The following ZNF285 variants were observed in gnomAD, a reference collection of about 807,000 sequenced individuals.
ZNF285 encodes zinc finger protein 285, also known as zinc finger protein 285A.
A neutral mutation model predicts 6.2 loss-of-function variants in ZNF285; 4 were observed. The observed-to-expected ratio is 0.65, with a 90% CI of 0.32 to 1.49. The LOEUF is 1.49. Ranked by LOEUF, ZNF285 falls within the 40% of genes most tolerant of loss-of-function variation. The pLI is 0.07. For synonymous variants in ZNF285, 240 were observed against 245.8 expected (o/e 0.98, Z 0.22); for missense variants, 695 against 708.8 (o/e 0.98, Z 0.22).
intron 3 of ZNF285, among the ~76,000 whole-genome samples, chr19:44,391,677 C>T (rs943671562): frequency 6.6e-6 from 1 of 152,018 alleles, no homozygotes; most frequent in Non-Finnish European, 1.5e-5. Flanking sequence ...CCAGGCCCCT[C>T]CCACAACATA....
chr19:44,389,483 G>A (rs745687001), intron 3 of ZNF285, among the ~76,000 whole-genome samples: 153 of 152,144 alleles, frequency 1.0e-3, no homozygotes, highest in Non-Finnish European at 1.8e-3. Context: ...AGTAAAATCA[G>A]CATTATGACT....
In ZNF285 at chr19:44,383,734, C is replaced by T. The variant is rs568820993; in HGVS notation, c.*2738G>A. ...ATGAGCGAGTCTGTTACGCTTTTATCAAATCATTGGATTTGACATGCTCAT... is the reference window on the plus strand; with the variant it reads ...ATGAGCGAGTCTGTTACGCTTTTATTAAATCATTGGATTTGACATGCTCAT... On this transcript the variant is annotated 3_prime_UTR_variant, in exon 4 of 4. Coordinates refer to ENST00000614994, the MANE Select transcript of ZNF285 (RefSeq NM_152354.6). The T allele has an allele frequency of 1.3e-5, 2 of 152,280 alleles. No homozygotes were observed. The highest frequency in any genetic ancestry group is 2.9e-5 in the Non-Finnish European group (2 of 68,008). 9.4% of individuals were successfully genotyped at this position (152,280 alleles called of 1,614,324 possible).
intron 2 of ZNF285, among the ~76,000 whole-genome samples, chr19:44,392,780 T>C (rs1372930984): frequency 6.6e-6 from 1 of 152,156 alleles, no homozygotes; most frequent in Non-Finnish European, 1.5e-5. Flanking sequence ...AAGGACAGTA[T>C]TAATCAAATT....
chr19:44,390,307 T>C (rs1300171003), intron 3 of ZNF285, among the ~76,000 whole-genome samples: 1 of 152,112 alleles, frequency 6.6e-6, no homozygotes, highest in Non-Finnish European at 1.5e-5. Context: ...CCCAAGACCA[T>C]GGAAACCCAC....
Position 44,386,593 on chromosome 19 carries a change from C to T in ZNF285, c.1652G>A (p.Arg551His), listed in dbSNP as rs772355334. Residue 551 changes from arginine to histidine, a missense_variant, in exon 4 of 4, where the codon CGT becomes CAT. Arg to His is a conservative substitution (Grantham distance 29). Transcript: ENST00000614994. ...KCKACGKGFS[R>H]NSYLLAHQRV... ...CTGATGGGCAAGGAGGTATGAATTA[C>T]GACTGAAGCCCTTACCACATGCCTT... The T allele has an allele frequency of 1.1e-5, 18 of 1,614,028 alleles. No homozygotes were observed. The highest frequency in any genetic ancestry group is 1.3e-5 in the African/African-American group (1 of 74,938).
intron 2 of ZNF285, among the ~76,000 whole-genome samples, chr19:44,392,927 T>C (rs1206276207): frequency 6.6e-6 from 1 of 152,144 alleles, no homozygotes; most frequent in African/African-American, 2.4e-5. Flanking sequence ...TCATGGCAGA[T>C]TAATCTATTT....
In ZNF285 at chr19:44,382,432, G is replaced by A. The variant is rs1357819462; in HGVS notation, c.*4040C>T. 1.3e-5 allele frequency: 2 copies of A among 151,622 alleles called. No individual in the cohort carries two copies. The highest frequency in any genetic ancestry group is 2.9e-5 in the Non-Finnish European group (2 of 68,062). 9.4% of individuals were successfully genotyped at this position (151,622 alleles called of 1,614,324 possible). On this transcript the variant is annotated 3_prime_UTR_variant, in exon 4 of 4. Transcript: ENST00000614994. The stretch of plus-strand genomic sequence containing the variant: ...TCCTGCCTCAGCCTCCTGAGTAGCT[G>A]GGATTACAGGTGCCTGCCACTATGC...
Position 44,387,999 on chromosome 19 carries a change from C to A in ZNF285, c.246G>T (p.Arg82=). The change falls in exon 4 of 4, where the codon CGG becomes CGT. Residue 82 remains arginine, a synonymous_variant. Coordinates refer to ENST00000614994, the MANE Select transcript of ZNF285 (RefSeq NM_152354.6). ...HCWQIWKQRI[R]DLTVSQDYIV... ...TATAATCCTGACTCACAGTTAAATCCCGGATCCTTTGTTTCCAAATCTGCC... is the reference window on the plus strand; with the variant it reads ...TATAATCCTGACTCACAGTTAAATCACGGATCCTTTGTTTCCAAATCTGCC... The A allele has an allele frequency of 6.2e-7, 1 of 1,614,098 alleles. No individual in the cohort carries two copies. Among genetic ancestry groups the A allele is most frequent in the Non-Finnish European group, 8.5e-7 (1 of 1,180,016 alleles).
intron 3 of ZNF285, among the ~76,000 whole-genome samples, chr19:44,389,934 A>C (rs982237597): frequency 9.2e-5 from 14 of 152,232 alleles, no homozygotes; most frequent in Non-Finnish European, 1.9e-4. Flanking sequence ...GGATGGCTCA[A>C]ATCCGAGTTC....
At chr19:44,397,450 A>G (rs1971301024) in intron 1 of ZNF285, among the ~76,000 whole-genome samples, 194 bp from the exon 2 acceptor site, 1 of 152,126 alleles carries the variant, frequency 6.6e-6, no homozygotes, top group Non-Finnish European at 1.5e-5. Context: ...ATCTCAGACC[A>G]CTGTGTAACT....
intron 3 of ZNF285, among the ~76,000 whole-genome samples, chr19:44,388,834 G>A (rs494327): frequency 0.19 from 19,138 of 99,530 alleles, 705 homozygotes; most frequent in African/African-American, 0.33. Flanking sequence ...ATCTCCTGAT[G>A]GCTTCCCTTC....
intron 3 of ZNF285, among the ~76,000 whole-genome samples, chr19:44,391,652 T>G (rs1971198261): frequency 6.6e-6 from 1 of 151,992 alleles, no homozygotes; most frequent in Non-Finnish European, 1.5e-5. Flanking sequence ...TGCCCCATGA[T>G]TCAGTTACCT....
chr19:44,397,125 C>A, intron 2 of ZNF285, 74 bp downstream of exon 2: 1 of 1,607,676 alleles, frequency 6.2e-7, no homozygotes, highest in Non-Finnish European at 8.5e-7. Context: ...ATGCTGACCT[C>A]CTTTCAGAAA....
At chr19:44,401,509 T>C (rs1349406542) in intron 1 of ZNF285, 59 bp downstream of exon 1, 1 of 152,418 alleles carries the variant, frequency 6.6e-6, no homozygotes, top group Non-Finnish European at 1.5e-5. Flanking sequence ...CAGCTGCACA[T>C]CCTACACTCC....
Position 44,386,725 on chromosome 19 carries a change from A to C in ZNF285, c.1520T>G (p.Ile507Ser), listed in dbSNP as rs143574007. The C allele has an allele frequency of 6.2e-7, 1 of 1,614,066 alleles. No homozygotes were observed. Among genetic ancestry groups the C allele is most frequent in the Non-Finnish European group, 8.5e-7 (1 of 1,179,988 alleles). The change falls in exon 4 of 4, where the codon ATC (isoleucine) becomes AGC (serine). Residue 507 changes from isoleucine (I) to serine (S), a missense_variant. Transcript: ENST00000614994. The part of the protein sequence containing the change: ...SYFHLHQRDH[I>S]REKPYKCDEC... ...ATCACATTTATATGGTTTCTCTCTG[A>C]TGTGATCTCTTTGATGTAAGTGAAA...
rs955959723 is a variant in ZNF285 at position 44,384,214 on chromosome 19, A to T, written c.*2258T>A. On this transcript the variant is annotated 3_prime_UTR_variant, in exon 4 of 4. Transcript: ENST00000614994. Reference sequence around the variant, plus strand: ...TTATATGGGATGCCCTAATTTACTCAATCTCTTATACATGAACCTTCAGGT... The same window carrying T: ...TTATATGGGATGCCCTAATTTACTCTATCTCTTATACATGAACCTTCAGGT... 3 of 152,166 alleles carry T rather than the reference A, an allele frequency of 2.0e-5. No individual in the cohort carries two copies. Among genetic ancestry groups the T allele is most frequent in the African/African-American group, 7.2e-5 (3 of 41,430 alleles). The allele number at this position is 152,166 out of a possible 1,614,324, so 9.4% of individuals were successfully genotyped here.
In ZNF285 at chr19:44,386,686, C is replaced by T. The variant is rs138001522; in HGVS notation, c.1559G>A (p.Gly520Asp). The T allele has an allele frequency of 7.0e-4, 1,137 of 1,614,028 alleles. 7 individuals carry two copies. In the East Asian group the frequency reaches 0.011, roughly 16 times the overall value. The change falls in exon 4 of 4, where the codon GGC becomes GAC. Residue 520 changes from glycine to aspartate, a missense_variant. Gly to Asp is a moderately conservative substitution (Grantham distance 94, BLOSUM62 -1). Transcript: ENST00000614994. ...ATTAAGATCTGAATTCCGGCTGAAGCCTTTACCACACTCATCACATTTATA... is the reference window on the plus strand; with the variant it reads ...ATTAAGATCTGAATTCCGGCTGAAGTCTTTACCACACTCATCACATTTATA... The part of the protein sequence containing the change: ...KPYKCDECGK[G>D]FSRNSDLNVH...
At position 44,397,375 on chromosome 19, in the gene ZNF285, C is replaced by G. The variant is rs182301957; in HGVS notation, c.-43-119G>C. ...CTCCTCTCACTGGATATCATCTCTTCTCGCTCTGAACAGACTGAACTCCCA... is the reference window on the plus strand; with the variant it reads ...CTCCTCTCACTGGATATCATCTCTTGTCGCTCTGAACAGACTGAACTCCCA... On this transcript the variant is annotated intron_variant, in intron 1 of 3. Coordinates refer to ENST00000614994, the MANE Select transcript of ZNF285 (RefSeq NM_152354.6). 3.5e-4 allele frequency: 429 copies of G among 1,239,962 alleles called. 5 individuals carry two copies. In the African/African-American group the frequency reaches 5.8e-3, roughly 17 times the overall value. 76.8% of individuals were successfully genotyped at this position (1,239,962 alleles called of 1,614,324 possible).
chr19:44,397,140 A>G, intron 2 of ZNF285, 59 bp downstream of exon 2: 1 of 1,611,538 alleles, frequency 6.2e-7, no homozygotes, highest in Middle Eastern at 1.7e-4. Flanking sequence ...CAGAAAACAG[A>G]AGTGTCTGGT....
Sources: allele counts gnomAD v4.1 joint callset (sites outside exome capture counted in the v4.1 genomes callset), GRCh38; gene constraint gnomAD v4.1.1; transcripts MANE v1.5; gene names NCBI Gene and HGNC (gene_info 2026-07-23, HGNC 2026-07-21).